Variants in DMXL1 observed in about 807,000 individuals in gnomAD.
DMXL1 encodes the protein Dmx like 1, also known as dmX-like protein 1.
Under a neutral mutation model 319.2 loss-of-function variants are expected in DMXL1, and 99 were observed. The ratio of observed to expected loss-of-function variants is 0.31; its 90% confidence interval spans 0.26 to 0.37. DMXL1 has a LOEUF of 0.37. Ranked by LOEUF, DMXL1 falls within the 10% of genes least tolerant of loss-of-function variation. The probability of loss-of-function intolerance (pLI) is 1.00; values close to 1 mark genes in which losing one functional copy is unlikely to be tolerated. For synonymous variants in DMXL1, 1,385 were observed against 1,235.2 expected, an observed-to-expected ratio of 1.12 and a Z score of -2.54; for missense variants, 3,745 against 3,595.6, an observed-to-expected ratio of 1.04 and a Z score of -1.06.
intron 28 of DMXL1, among the ~76,000 whole-genome samples, chr5:119,189,404 G>A (rs752833210): frequency 7.2e-5 from 11 of 152,072 alleles, no homozygotes; most frequent in Admixed American, 1.3e-4. Context: ...ATTTCCTATC[G>A]TGTTCCTAGT....
intron 9 of DMXL1, chr5:119,127,636 G>C (rs957608322): frequency 1.2e-5 from 2 of 167,576 alleles, no homozygotes; most frequent in Non-Finnish European, 2.5e-5. Context: ...ATGGGGTTTC[G>C]TCATGTTGAC....
chr5:119,207,598 A>G (rs954640232), intron 34 of DMXL1, among the ~76,000 whole-genome samples: 8 of 152,134 alleles, frequency 5.3e-5, no homozygotes, highest in Admixed American at 2.0e-4. Context: ...GGTTCAGTGC[A>G]ACCTCTGCCC....
intron 19 of DMXL1, among the ~76,000 whole-genome samples, chr5:119,158,709 T>C (rs1771628224): frequency 6.6e-6 from 1 of 152,246 alleles, no homozygotes; most frequent in Non-Finnish European, 1.5e-5. Flanking sequence ...TCGAATTTTA[T>C]CAGATGCTTT....
Position 119,247,387 on chromosome 5 carries a change from T to G in DMXL1, c.*168T>G. On this transcript the variant is annotated 3_prime_UTR_variant, in exon 44 of 44. Coordinates refer to ENST00000539542, the MANE Select transcript of DMXL1 (RefSeq NM_001290321.3). ...ACTGATGCCTTAAAAATTAACAAGG[T>G]CATTCAGAAGTAGATTACATTGCCT... The G allele has an allele frequency of 1.8e-6, 1 of 549,154 alleles. No individual in the cohort carries two copies. Among genetic ancestry groups the G allele is most frequent in the Non-Finnish European group, 3.2e-6 (1 of 310,256 alleles). The allele number at this position is 549,154 out of a possible 1,614,324, so 34.0% of individuals were successfully genotyped here.
At chr5:119,102,508 A>G (rs145984777) in intron 3 of DMXL1, among the ~76,000 whole-genome samples, 3 of 152,340 alleles carry the variant, frequency 2.0e-5, no homozygotes, top group Non-Finnish European at 4.4e-5. Context: ...TAATTTATAA[A>G]TATTCGAATC....
At chr5:119,241,700 G>A (rs1008476830) in intron 42 of DMXL1, among the ~76,000 whole-genome samples, 1 of 152,090 alleles carries the variant, frequency 6.6e-6, no homozygotes, top group East Asian at 1.9e-4. Flanking sequence ...GTGGCATGTT[G>A]TATGGTTCCC....
At chr5:119,157,887 T>G (rs1771455207) in intron 19 of DMXL1, among the ~76,000 whole-genome samples, 1 of 152,238 alleles carries the variant, frequency 6.6e-6, no homozygotes, top group African/African-American at 2.4e-5. Flanking sequence ...AGAGATTGCG[T>G]TGAATCTGTA....
At chr5:119,078,142 A>G (rs912835292) in intron 1 of DMXL1, among the ~76,000 whole-genome samples, 5 of 152,020 alleles carry the variant, frequency 3.3e-5, no homozygotes, top group Non-Finnish European at 7.4e-5. Flanking sequence ...TGTTTCATTT[A>G]TTTATTTAAA....
At chr5:119,232,249 A>G (rs1786888129) in intron 38 of DMXL1, among the ~76,000 whole-genome samples, 1 of 152,190 alleles carries the variant, frequency 6.6e-6, no homozygotes, top group South Asian at 2.1e-4. Flanking sequence ...CATTGGGGGA[A>G]AGGGAGTAGA....
At chr5:119,173,321 CAA>C (rs1774972712) in intron 25 of DMXL1, among the ~76,000 whole-genome samples, 1 of 140,224 alleles carries the variant, frequency 7.1e-6, no homozygotes, top group Non-Finnish European at 1.5e-5. Flanking sequence ...ACCTGGGCAA[CAA>C]GAGCAAAACT....
At chr5:119,104,063 A>T (rs972804940) in intron 3 of DMXL1, 12 of 152,224 alleles carry the variant, frequency 7.9e-5, no homozygotes, top group African/African-American at 2.7e-4. Context: ...ATTCTAAAAT[A>T]TAGTTTCAGA....
At chr5:119,214,999 G>C (rs898499672) in intron 34 of DMXL1, among the ~76,000 whole-genome samples, 70 of 152,134 alleles carry the variant, frequency 4.6e-4, no homozygotes, top group African/African-American at 1.6e-3. Context: ...TTAGATGCCA[G>C]GCAGATTGGT....
intron 1 of DMXL1, among the ~76,000 whole-genome samples, chr5:119,095,806 G>T (rs559661115): frequency 6.6e-6 from 1 of 152,154 alleles, no homozygotes; most frequent in South Asian, 2.1e-4. Flanking sequence ...TCCCATCATG[G>T]ATATTTATAT....
chr5:119,152,998 A>G (rs565339304), intron 19 of DMXL1, among the ~76,000 whole-genome samples: 1 of 150,458 alleles, frequency 6.6e-6, no homozygotes, highest in Non-Finnish European at 1.5e-5. Context: ...CTTTTTTGAG[A>G]TAGAGTCTTG....
intron 34 of DMXL1, among the ~76,000 whole-genome samples, chr5:119,213,160 A>C (rs1398395448): frequency 6.6e-6 from 1 of 152,162 alleles, no homozygotes; most frequent in Non-Finnish European, 1.5e-5. Flanking sequence ...TTTCATTTTC[A>C]TACTTTTTCC....
chr5:119,210,012 A>G (rs1230725816), intron 34 of DMXL1, among the ~76,000 whole-genome samples: 7 of 152,086 alleles, frequency 4.6e-5, no homozygotes, highest in African/African-American at 9.7e-5. Flanking sequence ...TCTGTTGCCT[A>G]TGCTGGAGTG....
At chr5:119,165,382 C>T (rs1243150501) in intron 21 of DMXL1, 102 bp downstream of exon 21, 2 of 622,418 alleles carry the variant, frequency 3.2e-6, no homozygotes, top group Non-Finnish European at 5.6e-6. Flanking sequence ...GATGTTGATT[C>T]ATGTAGATTC....
intron 1 of DMXL1, among the ~76,000 whole-genome samples, chr5:119,088,586 T>G (rs1753887685): frequency 6.6e-6 from 1 of 152,188 alleles, no homozygotes; most frequent in South Asian, 2.1e-4. Context: ...CTGTTATCCT[T>G]TGTGGTTAAA....
chr5:119,235,873 A>G (rs988229852), intron 39 of DMXL1, among the ~76,000 whole-genome samples: 2 of 152,106 alleles, frequency 1.3e-5, no homozygotes, highest in African/African-American at 4.8e-5. Context: ...TGCTAGCAAA[A>G]TAAACATATT....
Sources: gnomAD v4.1 joint callset for allele counts (sites outside exome capture counted in the v4.1 genomes callset) on GRCh38, gnomAD v4.1.1 for gene constraint, MANE v1.5 for transcripts, NCBI Gene and HGNC (gene_info 2026-07-23, HGNC 2026-07-21) for gene names.